FAF2: variants seen among roughly 807,000 people sequenced by gnomAD.
The protein encoded by FAF2 is Fas associated factor family member 2.
Under a neutral mutation model 62.3 loss-of-function variants are expected in FAF2, and 9 were observed. That is an observed-to-expected ratio of 0.14 (90% CI 0.09 to 0.25). The LOEUF (loss-of-function observed/expected upper bound fraction) is 0.25. Among genes scored for constraint, FAF2 ranks in the 10% least tolerant of loss-of-function variants. The pLI, the probability that FAF2 is intolerant of heterozygous loss-of-function variation, is 1.00. For missense variants in FAF2, 368 were observed against 556.2 expected, an observed-to-expected ratio of 0.66 and a Z score of 3.40; for synonymous variants, 202 against 198.0, an observed-to-expected ratio of 1.02 and a Z score of -0.17.
Position 176,508,699 on chromosome 5 carries a change from G to T in FAF2, c.*1749G>T, listed in dbSNP as rs890895093. 5.3e-5 allele frequency: 8 copies of T among 152,146 alleles called. No individual in the cohort carries two copies. Among genetic ancestry groups the T allele is most frequent in the African/African-American group, 1.7e-4 (7 of 41,434 alleles). The allele number at this position is 152,146 out of a possible 1,614,324, so 9.4% of individuals were successfully genotyped here. A position where few individuals can be genotyped will look rare whatever the true frequency, so the allele number is the denominator to read the frequency against. On this transcript the variant is annotated 3_prime_UTR_variant, in exon 11 of 11. Transcript: ENST00000261942. ...CCACTTCGTTTTCTGCTGTCCCAAG[G>T]CCAGATGAGTGGAATCACCATCTGA... is the stretch of plus-strand genomic sequence containing the variant.
intron 2 of FAF2, among the ~76,000 whole-genome samples, chr5:176,479,999 C>T (rs1321855002): frequency 1.3e-5 from 2 of 152,120 alleles, no homozygotes; most frequent in Non-Finnish European, 2.9e-5. Flanking sequence ...CCGGCCATGC[C>T]TCTGATTTTT....
chr5:176,461,763 G>A (rs565321282), intron 1 of FAF2, among the ~76,000 whole-genome samples: 1 of 152,056 alleles, frequency 6.6e-6, no homozygotes, highest in South Asian at 2.1e-4. Context: ...TGTTTACTCT[G>A]TTGATAGTTT....
At chr5:176,472,719 C>CAA (rs66911150) in intron 1 of FAF2, among the ~76,000 whole-genome samples, 33 of 108,476 alleles carry the variant, frequency 3.0e-4, no homozygotes, top group Non-Finnish European at 5.1e-4. Flanking sequence ...TTCATCTCTA[C>CAA]AAAAAAAAAA....
At chr5:176,502,256 AC>A (rs1444498827) in intron 10 of FAF2, among the ~76,000 whole-genome samples, 1 of 152,136 alleles carries the variant, frequency 6.6e-6, no homozygotes, top group African/African-American at 2.4e-5. Flanking sequence ...TGGAATTTCT[AC>A]CCTAAAAATT....
chr5:176,504,985 T>C (rs181005084), intron 10 of FAF2, among the ~76,000 whole-genome samples: 6 of 145,820 alleles, frequency 4.1e-5, no homozygotes, highest in Admixed American at 3.5e-4. Context: ...TTTGCACCAC[T>C]GCACTCCAGC....
At position 176,493,435 on chromosome 5, in the gene FAF2, G is replaced by A. The variant is rs915018100; in HGVS notation, c.484-564G>A. Reference sequence around the variant, plus strand: ...TACAGTGTAATGTGCTCAGGAGCACGCACATGCAGGAGCACGCACAGGAGT... The same window carrying A: ...TACAGTGTAATGTGCTCAGGAGCACACACATGCAGGAGCACGCACAGGAGT... On this transcript the variant is annotated intron_variant, in intron 5 of 10. Coordinates refer to ENST00000261942, the MANE Select transcript of FAF2 (RefSeq NM_014613.3). Among the ~76,000 whole-genome samples, 8 of 152,302 alleles carry A rather than the reference G, an allele frequency of 5.3e-5. No homozygotes were observed. The South Asian group carries it at 1.4e-3, about 28-fold the overall frequency.
chr5:176,485,295 G>A (rs1308406659), intron 2 of FAF2, among the ~76,000 whole-genome samples: 1 of 152,172 alleles, frequency 6.6e-6, no homozygotes, highest in Non-Finnish European at 1.5e-5. Flanking sequence ...TGATTTGTTT[G>A]GCTGCCCACA....
At chr5:176,467,898 C>T (rs1000917538) in intron 1 of FAF2, among the ~76,000 whole-genome samples, 1 of 152,200 alleles carries the variant, frequency 6.6e-6, no homozygotes, top group African/African-American at 2.4e-5. Flanking sequence ...GGTGTGGTGG[C>T]TCACACCTGT....
rs145293322 is a variant in FAF2, at chr5:176,450,109, C to G, written c.63+1639C>G. Among the ~76,000 whole-genome samples, 392 of 152,266 alleles carry G rather than the reference C, an allele frequency of 2.6e-3. 4 individuals are homozygous for G. Among genetic ancestry groups the G allele is most frequent in the African/African-American group, 8.7e-3 (362 of 41,548 alleles). ...AAAATAAATATTTTTTTGGCGAGTT[C>G]TCACTTTTTTGCAATTTCCTTGAAT... On this transcript the variant is annotated intron_variant, in intron 1 of 10. Transcript: ENST00000261942.
chr5:176,484,894 G>GAA (rs59407571), intron 2 of FAF2, among the ~76,000 whole-genome samples: 30 of 98,260 alleles, frequency 3.1e-4, no homozygotes, highest in East Asian at 7.5e-4. Flanking sequence ...TCCATCTCAA[G>GAA]AAAAAAAAAA....
At chr5:176,470,450 G>T (rs1385644913) in intron 1 of FAF2, among the ~76,000 whole-genome samples, 5 of 152,272 alleles carry the variant, frequency 3.3e-5, no homozygotes, top group African/African-American at 4.8e-5. Flanking sequence ...GGTGGCGCAT[G>T]CCTGTAATGC....
intron 1 of FAF2, among the ~76,000 whole-genome samples, chr5:176,471,106 T>A (rs1480794754): frequency 6.6e-6 from 1 of 152,208 alleles, no homozygotes; most frequent in African/African-American, 2.4e-5. Flanking sequence ...CACCTGATCC[T>A]TTTGGCCCTA....
intron 10 of FAF2, among the ~76,000 whole-genome samples, chr5:176,506,147 C>G (rs181491516): frequency 6.7e-6 from 1 of 148,400 alleles, no homozygotes; most frequent in East Asian, 2.0e-4. Flanking sequence ...GCTGAGATGG[C>G]GCCATTGCAC....
intron 2 of FAF2, among the ~76,000 whole-genome samples, chr5:176,483,835 CG>C (rs1758827351): frequency 6.6e-6 from 1 of 152,040 alleles, no homozygotes; most frequent in Non-Finnish European, 1.5e-5. Flanking sequence ...CCAGCCCTTT[CG>C]GAGGCCAAGG....
chr5:176,451,859 C>CAT (rs762788477), intron 1 of FAF2, among the ~76,000 whole-genome samples: 6,853 of 32,904 alleles, frequency 0.21, 1,490 homozygotes, highest in East Asian at 0.34. Context: ...TATATATACA[C>CAT]ATATATATAT....
At chr5:176,477,853 T>C (rs1758730206) in intron 1 of FAF2, among the ~76,000 whole-genome samples, 1 of 152,232 alleles carries the variant, frequency 6.6e-6, no homozygotes, top group African/African-American at 2.4e-5. Context: ...ACTTCAGTTT[T>C]CAGACTCATC....
At chr5:176,482,535 A>T (rs991116565) in intron 2 of FAF2, among the ~76,000 whole-genome samples, 1 of 151,458 alleles carries the variant, frequency 6.6e-6, no homozygotes, top group African/African-American at 2.4e-5. Flanking sequence ...TTGAGACAGG[A>T]TTTCTCTCTG....
At position 176,508,315 on chromosome 5, in the gene FAF2, T is replaced by C. The variant is rs2963672; in HGVS notation, c.*1365T>C. The C allele has an allele frequency of 0.73, 111,528 of 152,006 alleles. 41,209 individuals are homozygous for C. Among genetic ancestry groups the C allele is most frequent in the African/African-American group, 0.82 (34,044 of 41,466 alleles). 9.4% of individuals were successfully genotyped at this position (152,006 alleles called of 1,614,324 possible). On this transcript the variant is annotated 3_prime_UTR_variant, in exon 11 of 11. Transcript: ENST00000261942. Reference sequence around the variant, plus strand: ...CTCTGACAAGTATTCCAAAGTGTTCTGTAGCTAGACTGGTGCAGGCTCGTT... The same window carrying C: ...CTCTGACAAGTATTCCAAAGTGTTCCGTAGCTAGACTGGTGCAGGCTCGTT...
intron 1 of FAF2, among the ~76,000 whole-genome samples, chr5:176,475,763 C>T (rs1758677692): frequency 6.7e-6 from 1 of 148,290 alleles, no homozygotes; most frequent in South Asian, 2.1e-4. Context: ...AGCGAGACTT[C>T]GTCTAAAAAA....
Sources: allele counts gnomAD v4.1 joint callset (sites outside exome capture counted in the v4.1 genomes callset), GRCh38; gene constraint gnomAD v4.1.1; transcripts MANE v1.5; gene names NCBI Gene and HGNC (gene_info 2026-07-23, HGNC 2026-07-21).